The following FRY variants were observed in gnomAD, a reference collection of about 807,000 sequenced individuals.
FRY encodes FRY microtubule binding protein, also known as protein furry homolog.
Under a neutral mutation model 348.4 loss-of-function variants are expected in FRY, and 128 were observed. The ratio of observed to expected loss-of-function variants is 0.37; its 90% CI spans 0.32 to 0.43. The LOEUF (loss-of-function observed/expected upper bound fraction) is 0.43, where lower values mean the gene tolerates loss of function less well. FRY is among the 20% of genes least tolerant of loss of function. FRY has a pLI of 1.00. For synonymous variants in FRY, 1,370 were observed against 1,374.7 expected (o/e 1.00, Z 0.08); for missense variants, 2,736 against 3,695.2 (o/e 0.74, Z 6.73).
chr13:32,168,756 GTA>G (rs2138203711), intron 17 of FRY, among the ~76,000 whole-genome samples: 1 of 152,308 alleles, frequency 6.6e-6, no homozygotes, highest in South Asian at 2.1e-4. Context: ...CTGGCTCAGT[GTA>G]AATCTGTGAA....
intron 2 of FRY, among the ~76,000 whole-genome samples, chr13:32,094,075 T>G (rs1232440863): frequency 6.6e-6 from 1 of 152,198 alleles, no homozygotes; most frequent in African/African-American, 2.4e-5. Flanking sequence ...CTGTGCTAAT[T>G]TTGCTTTACT....
intron 58 of FRY, among the ~76,000 whole-genome samples, chr13:32,281,470 A>C (rs1420746845): frequency 6.6e-6 from 1 of 152,210 alleles, no homozygotes; most frequent in Non-Finnish European, 1.5e-5. Flanking sequence ...ATAAGGAGGG[A>C]AGATGCATAA....
chr13:32,285,335 G>T (rs1323126863), intron 58 of FRY, among the ~76,000 whole-genome samples: 1 of 152,086 alleles, frequency 6.6e-6, no homozygotes, highest in Non-Finnish European at 1.5e-5. Context: ...ATGCAAACTA[G>T]GTCCCAGCCT....
At chr13:32,231,069 G>C in intron 40 of FRY, 110 bp from the exon 41 acceptor site, 2 of 901,324 alleles carry the variant, frequency 2.2e-6, no homozygotes, top group South Asian at 3.3e-5. Context: ...CAGATGCATA[G>C]ATTGCAAAAA....
At chr13:32,199,115 A>G (rs913837679) in intron 29 of FRY, among the ~76,000 whole-genome samples, 1 of 152,206 alleles carries the variant, frequency 6.6e-6, no homozygotes, top group Non-Finnish European at 1.5e-5. Context: ...TCTATGGAGA[A>G]ATGAAGGAAT....
At chr13:32,279,341 G>A (rs748557323) in intron 58 of FRY, among the ~76,000 whole-genome samples, 13 of 152,206 alleles carry the variant, frequency 8.5e-5, no homozygotes, top group Non-Finnish European at 1.9e-4. Context: ...GTCTGCGTAA[G>A]GGCCCGGAGG....
At chr13:32,060,766 T>A (rs1873896656) in intron 1 of FRY, 2 of 198,282 alleles carry the variant, frequency 1.0e-5, no homozygotes, top group African/African-American at 4.6e-5. Context: ...GCTTTACTAA[T>A]CTGTCAGTAT....
At chr13:32,127,353 G>A (rs1001900574) in intron 7 of FRY, among the ~76,000 whole-genome samples, 2 of 151,996 alleles carry the variant, frequency 1.3e-5, no homozygotes, top group Non-Finnish European at 2.9e-5. Context: ...ATACTAAACA[G>A]GAAATACTAA....
intron 28 of FRY, among the ~76,000 whole-genome samples, chr13:32,193,145 A>G (rs1326169483): frequency 1.3e-5 from 2 of 151,112 alleles, no homozygotes; most frequent in Non-Finnish European, 2.9e-5. Context: ...ATTTGAGAGT[A>G]GCTTCAGGCA....
At chr13:32,147,994 GCAGC>G in intron 13 of FRY, 47 bp downstream of exon 13, 1 of 1,038,488 alleles carries the variant, frequency 9.6e-7, no homozygotes, top group East Asian at 2.4e-5. Context: ...TGGTTTTTCA[GCAGC>G]CAGCCTCCTT....
At chr13:32,283,732 C>T (rs139709311) in intron 58 of FRY, among the ~76,000 whole-genome samples, 19 of 152,290 alleles carry the variant, frequency 1.2e-4, no homozygotes, top group African/African-American at 4.6e-4. Flanking sequence ...CTCTGTGCAG[C>T]ATACACTAAA....
intron 29 of FRY, among the ~76,000 whole-genome samples, chr13:32,196,272 G>T (rs1004802466): frequency 6.6e-6 from 1 of 152,114 alleles, no homozygotes; most frequent in Admixed American, 6.5e-5. Context: ...GATAAATAAT[G>T]ATCTCCTCCT....
chr13:32,118,671 T>C (rs1207464868), intron 4 of FRY, among the ~76,000 whole-genome samples: 1 of 152,176 alleles, frequency 6.6e-6, no homozygotes. Flanking sequence ...TTTTAGTATA[T>C]TTACAGGGTT....
intron 4 of FRY, among the ~76,000 whole-genome samples, chr13:32,123,542 A>G (rs1422876444): frequency 6.6e-6 from 1 of 152,158 alleles, no homozygotes; most frequent in African/African-American, 2.4e-5. Context: ...ATTGGTGATC[A>G]TATTATTTCC....
Position 32,294,446 on chromosome 13 carries a change from C to T in FRY, c.8659C>T (p.Leu2887Phe), listed in dbSNP as rs747950322. ...EASAVIAADPLYSDGAWSEPT... is the reference protein window; with the variant it reads ...EASAVIAADPFYSDGAWSEPT... ...CAGTGCAGTCATTGCAGCTGACCCT[C>T]TCTATTCAGACGGCGCGTGGTCCGA... is the stretch of plus-strand genomic sequence containing the variant. Residue 2887 changes from leucine (L) to phenylalanine (F), a missense_variant, in exon 60 of 61, where the codon CTC becomes TTC. By Grantham distance (22) the Leu-to-Phe change is conservative. Transcript: ENST00000542859. 5.0e-6 allele frequency: 8 copies of T among 1,613,990 alleles called. No homozygotes were observed. Among genetic ancestry groups the T allele is most frequent in the Admixed American group, 1.7e-5 (1 of 60,010 alleles).
At chr13:32,116,918 G>A (rs1282729312) in intron 3 of FRY, among the ~76,000 whole-genome samples, 1 of 152,036 alleles carries the variant, frequency 6.6e-6, no homozygotes, top group Non-Finnish European at 1.5e-5. Context: ...TTGGTGATGG[G>A]GGCAGATTTG....
chr13:32,202,567 C>T, intron 31 of FRY, 40 bp downstream of exon 31: 3 of 1,419,802 alleles, frequency 2.1e-6, no homozygotes, highest in Non-Finnish European at 3.0e-6. Context: ...GTGATCATTT[C>T]TAATAATGAC....
Position 32,224,401 on chromosome 13 carries a change from G to T in FRY, c.4916+16G>T, listed in dbSNP as rs768072272. 1.9e-6 allele frequency: 3 copies of T among 1,612,178 alleles called. No homozygotes were observed. The highest frequency in any genetic ancestry group is 1.1e-5 in the South Asian group (1 of 90,846). On this transcript the variant is annotated intron_variant, in intron 37 of 60. Coordinates refer to ENST00000542859, the MANE Select transcript of FRY (RefSeq NM_023037.3). ...CACTCCACAGGTGAGCAGCATGTGT[G>T]GGGAGAAGGAAATCTTAGCTTTGAC...
intron 28 of FRY, among the ~76,000 whole-genome samples, chr13:32,192,167 A>G (rs798959): frequency 0.41 from 61,969 of 152,006 alleles, 12,846 homozygotes; most frequent in African/African-American, 0.43. Context: ...CATGATATAC[A>G]TAGGAACTGT....
Sources: gnomAD v4.1 joint callset for allele counts (sites outside exome capture counted in the v4.1 genomes callset) on GRCh38, gnomAD v4.1.1 for gene constraint, MANE v1.5 for transcripts, NCBI Gene and HGNC (gene_info 2026-07-23, HGNC 2026-07-21) for gene names.